NCAM1: variants seen among roughly 807,000 people sequenced by gnomAD.
The protein encoded by NCAM1 is antigen recognized by monoclonal antibody 5.1H11.
A neutral mutation model predicts 109.8 loss-of-function variants in NCAM1; 14 were observed. The observed-to-expected ratio is 0.13, with a 90% CI of 0.08 to 0.20. The LOEUF (loss-of-function observed/expected upper bound fraction) is 0.20, where lower values mean the gene tolerates loss of function less well. Ranked by LOEUF, NCAM1 falls within the 10% of genes least tolerant of loss-of-function variation. The probability of loss-of-function intolerance (pLI) is 1.00; values close to 1 mark genes in which losing one functional copy is unlikely to be tolerated. For missense variants in NCAM1, 774 were observed against 1,109.9 expected (o/e 0.70, Z 4.30); for synonymous variants, 418 against 442.9 (o/e 0.94, Z 0.70).
intron 1 of NCAM1, among the ~76,000 whole-genome samples, chr11:113,116,223 C>T (rs1219831492): frequency 6.6e-6 from 1 of 152,194 alleles, no homozygotes; most frequent in African/African-American, 2.4e-5. Flanking sequence ...CAATGCGTTA[C>T]TCAAAAGTAC....
chr11:113,214,069 A>G (rs1265234994), intron 7 of NCAM1, among the ~76,000 whole-genome samples: 1 of 152,162 alleles, frequency 6.6e-6, no homozygotes, highest in South Asian at 2.1e-4. Context: ...TCCAGCCCCA[A>G]AGCCGTTTCC....
In NCAM1 at chr11:112,972,867, G is replaced by A. The variant is rs1273716614; in HGVS notation, c.52+11203G>A. ...TTGGCAAAGAAAGAAGGAAAGGAGG[G>A]CTGCTAGTTTGGGTGACGGCCTCAT... On this transcript the variant is annotated intron_variant, in intron 1 of 19. Transcript: ENST00000316851. 5.9e-5 allele frequency among the ~76,000 whole-genome samples: 9 copies of A among 151,940 alleles called. No individual in the cohort carries two copies. In the East Asian group the frequency reaches 1.7e-3, roughly 29 times the overall value.
At chr11:113,184,317 AC>A (rs1346800948) in intron 1 of NCAM1, among the ~76,000 whole-genome samples, 1 of 152,202 alleles carries the variant, frequency 6.6e-6, no homozygotes, top group Non-Finnish European at 1.5e-5. Flanking sequence ...TAGTTAATGC[AC>A]CTGTAGAGGT....
chr11:112,992,667 A>AT (rs1434612045), intron 1 of NCAM1, among the ~76,000 whole-genome samples: 1 of 151,680 alleles, frequency 6.6e-6, no homozygotes, highest in Non-Finnish European at 1.5e-5. Flanking sequence ...TGCCCGGCTA[A>AT]TTTTTTTATT....
chr11:113,089,738 A>G (rs1371952261), intron 1 of NCAM1, among the ~76,000 whole-genome samples: 1 of 152,200 alleles, frequency 6.6e-6, no homozygotes, highest in Non-Finnish European at 1.5e-5. Flanking sequence ...AAAAAAAGCA[A>G]CCGGGGAGGC....
intron 1 of NCAM1, among the ~76,000 whole-genome samples, chr11:113,078,242 T>C (rs1448444214): frequency 3.3e-5 from 5 of 152,182 alleles, no homozygotes; most frequent in African/African-American, 1.2e-4. Flanking sequence ...CTCCAGTCTC[T>C]GCCTCTGTCT....
chr11:113,179,444 A>G (rs1267268957), intron 1 of NCAM1, among the ~76,000 whole-genome samples: 3 of 152,358 alleles, frequency 2.0e-5, no homozygotes, highest in South Asian at 2.1e-4. Flanking sequence ...TTGATAGCCA[A>G]ACAGCCTGGA....
rs782517564 is a variant in NCAM1, at chr11:112,961,560, G to GA, written c.-53_-52insA. On this transcript the variant is annotated 5_prime_UTR_variant, in exon 1 of 20. Transcript: ENST00000316851. ...CGCCGTCCACACTCGCTGCAGGGGG[G>GA]GGGGCACAGAATTTACCGCGGCAAG... The GA allele has an allele frequency of 1.6e-5, 18 of 1,144,776 alleles. No homozygotes were observed. The South Asian group carries it at 1.9e-4, about 12-fold the overall frequency. 70.9% of individuals were successfully genotyped at this position (1,144,776 alleles called of 1,614,324 possible). A position where few individuals can be genotyped will look rare whatever the true frequency, so the allele number is the denominator to read the frequency against.
intron 1 of NCAM1, among the ~76,000 whole-genome samples, chr11:113,017,035 T>C (rs1232478027): frequency 6.6e-6 from 1 of 152,176 alleles, no homozygotes; most frequent in Non-Finnish European, 1.5e-5. Context: ...GTTCTCAAGG[T>C]TTGGAGCATT....
At chr11:113,162,589 TA>T (rs1171374464) in intron 1 of NCAM1, among the ~76,000 whole-genome samples, 1 of 152,168 alleles carries the variant, frequency 6.6e-6, no homozygotes, top group Admixed American at 6.5e-5. Context: ...AAATAACATT[TA>T]AAAAAATTGT....
rs117269390 is a variant in NCAM1, at chr11:113,001,075, G to A, written c.52+39411G>A. On this transcript the variant is annotated intron_variant, in intron 1 of 19. Transcript: ENST00000316851. ...AGTTCACCTAGAGGTGAGAGAATCC[G>A]TGAGCCCTCTAGTCAGTTTTCAGAA... Among the ~76,000 whole-genome samples the A allele has an allele frequency of 7.2e-3, 1,092 of 152,130 alleles. 8 individuals are homozygous for A. The highest frequency in any genetic ancestry group is 0.011 in the Non-Finnish European group (748 of 68,002).
chr11:113,133,543 CTTTAAGAGAAA>C, intron 1 of NCAM1: 1 of 152,096 alleles, frequency 6.6e-6, no homozygotes, highest in East Asian at 1.9e-4. Flanking sequence ...AATTTTTTTA[CTTTAAGAGAAA>C]AAGTGATGGA....
intron 1 of NCAM1, among the ~76,000 whole-genome samples, chr11:113,153,257 G>A (rs1942294749): frequency 6.6e-6 from 1 of 152,124 alleles, no homozygotes; most frequent in African/African-American, 2.4e-5. Context: ...TGGCCAGGCT[G>A]GTCTCAGACT....
At chr11:113,032,412 G>T (rs1952749634) in intron 1 of NCAM1, among the ~76,000 whole-genome samples, 4 of 152,104 alleles carry the variant, frequency 2.6e-5, no homozygotes, top group East Asian at 1.9e-4. Context: ...AGGGATTCAG[G>T]CACCTCTATC....
At chr11:113,212,512 A>G (rs1270402657) in intron 7 of NCAM1, among the ~76,000 whole-genome samples, 1 of 152,214 alleles carries the variant, frequency 6.6e-6, no homozygotes, top group African/African-American at 2.4e-5. Context: ...GGTCAGGAGA[A>G]GGTCAGCAAA....
intron 1 of NCAM1, among the ~76,000 whole-genome samples, chr11:113,110,327 T>C (rs1310274461): frequency 3.3e-5 from 5 of 152,190 alleles, no homozygotes; most frequent in Non-Finnish European, 7.3e-5. Flanking sequence ...ATAAACTCAT[T>C]TCACCCCAGA....
rs186683121 is a variant in NCAM1, at chr11:113,232,347, A to G, written c.1418A>G (p.Tyr473Cys). The change falls in exon 11 of 20, where the codon TAT becomes TGT. Residue 473 changes from tyrosine (Y) to cysteine (C), a missense_variant. Tyr to Cys is a radical substitution (Grantham distance 194, BLOSUM62 -2). This residue lies in a region of NCAM1 where 523 missense variants were observed against 784.2 expected (regional missense o/e 0.67). Transcript: ENST00000316851. ...ATCTACAACACCCCCTCTGCCAGCT[A>G]TCTGGAGGTGAGTCAGGATGGGGGT... ...IKIYNTPSAS[Y>C]LEVTPDSEND... 12 of 1,608,284 alleles carry G rather than the reference A, an allele frequency of 7.5e-6. No individual in the cohort carries two copies. Among genetic ancestry groups the G allele is most frequent in the Middle Eastern group, 1.7e-4 (1 of 6,044 alleles).
chr11:113,212,503 G>C (rs1944416017), intron 7 of NCAM1, among the ~76,000 whole-genome samples: 1 of 152,162 alleles, frequency 6.6e-6, no homozygotes, highest in African/African-American at 2.4e-5. Flanking sequence ...AGTACCGCAG[G>C]TCAGGAGAAG....
intron 1 of NCAM1, among the ~76,000 whole-genome samples, chr11:113,055,978 GATATATATATATATATATATATATAT>G (rs58693567): frequency 0.04 from 2,429 of 60,054 alleles, 160 homozygotes; most frequent in African/African-American, 0.08. Context: ...AAGAAAATGT[GATATATATATATATATATATATATAT>G]ATATATATAT....
Sources: allele counts gnomAD v4.1 joint callset (sites outside exome capture counted in the v4.1 genomes callset), GRCh38; gene constraint gnomAD v4.1.1; regional missense constraint gnomAD v4.1.1; transcripts MANE v1.5; gene names NCBI Gene and HGNC (gene_info 2026-07-23, HGNC 2026-07-21).